BMPR1A: variants seen among roughly 807,000 people sequenced by gnomAD.
BMPR1A encodes the protein bone morphogenetic protein receptor type-1A.
BMPR1A carries 7 observed loss-of-function variants against 66.0 expected under a neutral mutation model. The ratio of observed to expected loss-of-function variants is 0.11; its 90% CI spans 0.06 to 0.20. BMPR1A has a LOEUF of 0.20. BMPR1A is among the 10% of genes least tolerant of loss of function. BMPR1A has a pLI of 1.00. For missense variants in BMPR1A, 408 were observed against 669.1 expected, an observed-to-expected ratio of 0.61 and a Z score of 4.31; for synonymous variants, 200 against 229.7, an observed-to-expected ratio of 0.87 and a Z score of 1.17.
intron 1 of BMPR1A, among the ~76,000 whole-genome samples, chr10:86,809,680 C>T (rs1428744231): frequency 2.7e-5 from 4 of 149,320 alleles, no homozygotes; most frequent in East Asian, 2.0e-4. Context: ...TGGCCTCAAG[C>T]GATCCTCTCC....
At chr10:86,895,318 A>C (rs1330860726) in intron 5 of BMPR1A, among the ~76,000 whole-genome samples, 1 of 151,262 alleles carries the variant, frequency 6.6e-6, no homozygotes, top group African/African-American at 2.4e-5. Context: ...CGAGCAGATC[A>C]TCTGAGGTCA....
chr10:86,866,546 T>A (rs1406895025), intron 2 of BMPR1A, among the ~76,000 whole-genome samples: 8 of 151,704 alleles, frequency 5.3e-5, no homozygotes, highest in Admixed American at 4.6e-4. Context: ...GTAGCTGGGT[T>A]TGCAGGTGCC....
In BMPR1A at chr10:86,926,535, T is replaced by C. The variant is rs1843748560; in HGVS notation, c.*2816T>C. The C allele has an allele frequency of 5.8e-6, 1 of 173,220 alleles. No individual in the cohort carries two copies. The highest frequency in any genetic ancestry group is 1.0e-4 in the East Asian group (1 of 9,798). 10.7% of individuals were successfully genotyped at this position (173,220 alleles called of 1,614,324 possible). A position where few individuals can be genotyped will look rare whatever the true frequency, so the allele number is the denominator to read the frequency against. ...ACTCCATCTCAAATAAACAAACAAA[T>C]AAATAACAAAAAACAAAAATGTTGC... On this transcript the variant is annotated 3_prime_UTR_variant, in exon 13 of 13. Transcript: ENST00000372037.
At chr10:86,756,283 C>T (rs1847859087), upstream of BMPR1A, 1 of 152,170 alleles carries the variant, frequency 6.6e-6, no homozygotes, top group Non-Finnish European at 1.5e-5. Flanking sequence ...GGGAAGCTAC[C>T]CGGGCGGCAG....
chr10:86,797,150 C>T (rs1470520699), intron 1 of BMPR1A, among the ~76,000 whole-genome samples: 3 of 149,542 alleles, frequency 2.0e-5, no homozygotes, highest in African/African-American at 4.9e-5. Context: ...CTGCAGCCTC[C>T]GCCTCCCAAG....
chr10:86,887,775 A>C (rs1843086610), intron 3 of BMPR1A, among the ~76,000 whole-genome samples: 1 of 152,174 alleles, frequency 6.6e-6, no homozygotes, highest in Admixed American at 6.5e-5. Context: ...CTGTTAATGT[A>C]ATAGGATTTT....
intron 1 of BMPR1A, among the ~76,000 whole-genome samples, chr10:86,776,739 T>C (rs1841354185): frequency 6.6e-6 from 1 of 152,196 alleles, no homozygotes; most frequent in Non-Finnish European, 1.5e-5. Context: ...CCTTCTCATT[T>C]AATGAAGATT....
intron 1 of BMPR1A, among the ~76,000 whole-genome samples, chr10:86,782,109 C>T (rs533107791): frequency 1.1e-4 from 16 of 152,020 alleles, no homozygotes; most frequent in South Asian, 4.2e-4. Context: ...GTGATCCTCC[C>T]GCCTCGGCCT....
At chr10:86,835,548 TC>T (rs140370006) in intron 1 of BMPR1A, among the ~76,000 whole-genome samples, 13 of 11,306 alleles carry the variant, frequency 1.1e-3, no homozygotes, top group African/African-American at 4.6e-3. Context: ...AGACTCTGTA[TC>T]AAAAAAAAAA....
intron 3 of BMPR1A, chr10:86,889,629 T>G (rs1262155285): frequency 5.5e-6 from 1 of 182,706 alleles, no homozygotes; most frequent in Non-Finnish European, 1.1e-5. Flanking sequence ...AGGGCGAGGC[T>G]TATTCATTGC....
Position 86,897,836 on chromosome 10 carries a change from G to A in BMPR1A, c.334-1958G>A, listed in dbSNP as rs189665213. ...GCCCAGCCTGATCTCAGACTCCTCC[G>A]CTCAAGCCATTCTGCCACTTCAGCT... On this transcript the variant is annotated intron_variant, in intron 5 of 12. Coordinates refer to ENST00000372037, the MANE Select transcript of BMPR1A (RefSeq NM_004329.3). Among the ~76,000 whole-genome samples the A allele has an allele frequency of 7.9e-5, 12 of 152,084 alleles. No individual in the cohort carries two copies. The East Asian group carries it at 1.6e-3, about 20-fold the overall frequency.
chr10:86,769,767 C>T (rs1053184982), intron 1 of BMPR1A, among the ~76,000 whole-genome samples: 1 of 152,142 alleles, frequency 6.6e-6, no homozygotes, highest in Non-Finnish European at 1.5e-5. Context: ...GTTAAGAATA[C>T]TAGCAGAAGA....
chr10:86,896,525 T>A (rs961859487), intron 5 of BMPR1A, among the ~76,000 whole-genome samples: 1 of 152,188 alleles, frequency 6.6e-6, no homozygotes, highest in Non-Finnish European at 1.5e-5. Context: ...TCATGGGAGA[T>A]ATTGAAAGGA....
intron 1 of BMPR1A, among the ~76,000 whole-genome samples, chr10:86,790,162 CAAAAAAAAAAAAAAAA>C (rs1170317792): frequency 5.5e-4 from 4 of 7,220 alleles, no homozygotes; most frequent in African/African-American, 1.2e-3. Flanking sequence ...ACTCTGTCTC[CAAAAAAAAAAAAAAAA>C]AAAAAAAAAA....
At position 86,923,604 on chromosome 10, in the gene BMPR1A, C is replaced by T. The variant is rs876660569; in HGVS notation, c.1484C>T (p.Ala495Val). 2 of 1,614,204 alleles carry T rather than the reference C, an allele frequency of 1.2e-6. No homozygotes were observed. Among genetic ancestry groups the T allele is most frequent in the Non-Finnish European group, 1.7e-6 (2 of 1,180,032 alleles). Reference sequence around the variant, plus strand: ...CTCTTTACTTTTCAGTGTCTACGAGCAGTTTTGAAGCTAATGTCAGAATGC... The same window carrying T: ...CTCTTTACTTTTCAGTGTCTACGAGTAGTTTTGAAGCTAATGTCAGAATGC... ...NRWNSDECLRAVLKLMSECWA... is the reference protein window; with the variant it reads ...NRWNSDECLRVVLKLMSECWA... Residue 495 changes from alanine (A) to valine (V), a missense_variant, in exon 13 of 13, where the codon GCA becomes GTA. Ala to Val is a moderately conservative substitution (Grantham distance 64). Coordinates refer to ENST00000372037, the MANE Select transcript of BMPR1A (RefSeq NM_004329.3).
chr10:86,921,426 A>G, intron 10 of BMPR1A, 94 bp from the exon 11 acceptor site: 1 of 1,525,800 alleles, frequency 6.6e-7, no homozygotes, highest in Non-Finnish European at 9.0e-7. Flanking sequence ...GGCCCCAAGG[A>G]GAAAAAGAAG....
chr10:86,827,648 A>G (rs1403192976), intron 1 of BMPR1A, among the ~76,000 whole-genome samples: 11 of 152,236 alleles, frequency 7.2e-5, no homozygotes, highest in African/African-American at 2.7e-4. Flanking sequence ...AATAAGCCAG[A>G]TGAGTTCAAG....
At chr10:86,830,488 G>A (rs181740525) in intron 1 of BMPR1A, among the ~76,000 whole-genome samples, 8 of 152,284 alleles carry the variant, frequency 5.3e-5, no homozygotes, top group South Asian at 4.1e-4. Flanking sequence ...CTTCACATTC[G>A]TGTCCACATT....
chr10:86,921,257 A>G (rs1284032883), intron 10 of BMPR1A, among the ~76,000 whole-genome samples: 1 of 152,132 alleles, frequency 6.6e-6, no homozygotes, highest in African/African-American at 2.4e-5. Context: ...GCCCTTATCC[A>G]GTTGAGGAGG....
Sources: allele counts gnomAD v4.1 joint callset (sites outside exome capture counted in the v4.1 genomes callset), GRCh38; gene constraint gnomAD v4.1.1; transcripts MANE v1.5; gene names NCBI Gene and HGNC (gene_info 2026-07-23, HGNC 2026-07-21).